LUZP2: variants seen among roughly 807,000 people sequenced by gnomAD.
LUZP2 encodes leucine zipper protein 2.
Under a neutral mutation model 51.6 loss-of-function variants are expected in LUZP2, and 52 were observed. The observed-to-expected ratio is 1.01, with a 90% confidence interval of 0.81 to 1.27. The LOEUF is 1.27. Among genes scored for constraint, LUZP2 ranks in the 50% most tolerant of loss-of-function variants. LUZP2 has a pLI of 0.00. For synonymous variants in LUZP2, 154 were observed against 137.3 expected, an observed-to-expected ratio of 1.12 and a Z score of -0.85; for missense variants, 436 against 395.4, an observed-to-expected ratio of 1.10 and a Z score of -0.87.
intron 5 of LUZP2, among the ~76,000 whole-genome samples, chr11:24,833,526 T>C (rs1416693202): frequency 6.6e-6 from 1 of 152,118 alleles, no homozygotes; most frequent in East Asian, 1.9e-4. Flanking sequence ...GAGAGATCTT[T>C]AGCTGTAACC....
At chr11:24,698,964 G>T (rs1026653614) in intron 1 of LUZP2, among the ~76,000 whole-genome samples, 1 of 152,002 alleles carries the variant, frequency 6.6e-6, no homozygotes, top group Non-Finnish European at 1.5e-5. Flanking sequence ...AGGCTGAGAT[G>T]AGAGGATCGA....
At chr11:24,533,178 A>G (rs898244771) in intron 1 of LUZP2, among the ~76,000 whole-genome samples, 5 of 151,162 alleles carry the variant, frequency 3.3e-5, no homozygotes, top group Non-Finnish European at 7.4e-5. Context: ...CCTCCCTCAC[A>G]AACACCAAAA....
chr11:24,914,593 T>C (rs1303585505), intron 7 of LUZP2, 55 bp downstream of exon 7: 1 of 1,150,908 alleles, frequency 8.7e-7, no homozygotes, highest in African/African-American at 1.6e-5. Flanking sequence ...ACCTAAAATA[T>C]CAAAAACATT....
chr11:24,708,596 C>A (rs1857693573), intron 1 of LUZP2, among the ~76,000 whole-genome samples: 1 of 152,010 alleles, frequency 6.6e-6, no homozygotes, highest in African/African-American at 2.4e-5. Flanking sequence ...TCTCACAGAC[C>A]CACTTCTTGT....
intron 1 of LUZP2, among the ~76,000 whole-genome samples, chr11:24,603,092 A>G (rs1300361710): frequency 6.6e-6 from 1 of 151,806 alleles, no homozygotes; most frequent in East Asian, 1.9e-4. Context: ...TGGCACATTC[A>G]GGTCCCAACA....
chr11:24,983,457 G>T lies in LUZP2; in HGVS notation c.765+164G>T, dbSNP rs927973092. 4.0e-5 allele frequency among the ~76,000 whole-genome samples: 6 copies of T among 151,756 alleles called. No individual in the cohort carries two copies. The Admixed American group carries it at 4.0e-4, about 10-fold the overall frequency. On this transcript the variant is annotated intron_variant, in intron 9 of 11. Transcript: ENST00000336930. Reference sequence around the variant, plus strand: ...TAACCCAGCTTGTAAAATCTCCATAGTCACTAGAAGAATGTTGGAAGGGAG... The same window carrying T: ...TAACCCAGCTTGTAAAATCTCCATATTCACTAGAAGAATGTTGGAAGGGAG...
chr11:24,775,064 G>A (rs1422877504), intron 5 of LUZP2, among the ~76,000 whole-genome samples: 1 of 151,622 alleles, frequency 6.6e-6, no homozygotes, highest in Non-Finnish European at 1.5e-5. Flanking sequence ...CAAAACTACA[G>A]TAAAAATCAT....
At chr11:24,503,112 A>G (rs1046416692) in intron 1 of LUZP2, among the ~76,000 whole-genome samples, 7 of 152,230 alleles carry the variant, frequency 4.6e-5, no homozygotes, top group East Asian at 1.9e-4. Context: ...ACCATATGAA[A>G]GGGATCTTAT....
chr11:24,836,589 A>T (rs1342373872), intron 5 of LUZP2, among the ~76,000 whole-genome samples: 1 of 151,834 alleles, frequency 6.6e-6, no homozygotes, highest in Non-Finnish European at 1.5e-5. Flanking sequence ...TCTCTCTGGT[A>T]TTTATCTCAA....
intron 5 of LUZP2, among the ~76,000 whole-genome samples, chr11:24,813,202 T>C (rs1850071916): frequency 6.6e-6 from 1 of 152,220 alleles, no homozygotes; most frequent in Non-Finnish European, 1.5e-5. Context: ...TATTCTTTCC[T>C]CAGTATGCAC....
At chr11:24,918,246 G>A (rs1853866942) in intron 7 of LUZP2, among the ~76,000 whole-genome samples, 1 of 152,048 alleles carries the variant, frequency 6.6e-6, no homozygotes, top group Admixed American at 6.6e-5. Flanking sequence ...CTGAGACGAT[G>A]GGGTTTTCTA....
intron 1 of LUZP2, among the ~76,000 whole-genome samples, chr11:24,506,676 G>A (rs546156863): frequency 6.6e-6 from 1 of 152,030 alleles, no homozygotes; most frequent in Admixed American, 6.6e-5. Flanking sequence ...CGTGTGTGTA[G>A]AAGTGCTAGC....
chr11:24,674,819 A>G (rs1283302621), intron 1 of LUZP2, among the ~76,000 whole-genome samples: 1 of 152,218 alleles, frequency 6.6e-6, no homozygotes, highest in Non-Finnish European at 1.5e-5. Context: ...TGTAATATGA[A>G]ATGGCATTTC....
At chr11:24,923,400 A>G (rs975637805) in intron 7 of LUZP2, among the ~76,000 whole-genome samples, 1 of 151,992 alleles carries the variant, frequency 6.6e-6, no homozygotes, top group South Asian at 2.1e-4. Flanking sequence ...AGCCATAGCT[A>G]CAAAGACAGG....
chr11:24,585,872 C>T (rs1290594979), intron 1 of LUZP2, among the ~76,000 whole-genome samples: 3 of 151,972 alleles, frequency 2.0e-5, no homozygotes, highest in Non-Finnish European at 1.5e-5. Context: ...TAACACTGCA[C>T]GTTAGATAGT....
intron 1 of LUZP2, among the ~76,000 whole-genome samples, chr11:24,703,021 C>G (rs914543575): frequency 6.6e-6 from 1 of 151,994 alleles, no homozygotes; most frequent in Admixed American, 6.6e-5. Context: ...GGCAAGGAGG[C>G]AAGTTAAGAC....
intron 9 of LUZP2, among the ~76,000 whole-genome samples, chr11:25,049,106 C>T (rs10834592): frequency 0.48 from 72,368 of 151,852 alleles, 17,549 homozygotes; most frequent in Non-Finnish European, 0.51. Flanking sequence ...TAGAAAGTAG[C>T]GCAGGTAAAA....
intron 7 of LUZP2, among the ~76,000 whole-genome samples, chr11:24,946,413 CT>C (rs1008334020): frequency 2.6e-5 from 4 of 151,770 alleles, no homozygotes; most frequent in African/African-American, 7.3e-5. Context: ...TTTTGTTCCC[CT>C]GATGCTATTT....
chr11:24,626,714 G>A (rs1854697386), intron 1 of LUZP2, among the ~76,000 whole-genome samples: 1 of 152,166 alleles, frequency 6.6e-6, no homozygotes, highest in Non-Finnish European at 1.5e-5. Context: ...ACATAACAAT[G>A]AAGGCTAATC....
Sources: allele counts gnomAD v4.1 joint callset (sites outside exome capture counted in the v4.1 genomes callset), GRCh38; gene constraint gnomAD v4.1.1; transcripts MANE v1.5; gene names NCBI Gene and HGNC (gene_info 2026-07-23, HGNC 2026-07-21).